Variants in DST observed in about 807,000 individuals in gnomAD.
The protein encoded by DST is dystonin, also known as bullous pemphigoid antigen.
In DST, 253 loss-of-function variants were observed where a neutral mutation model predicts 875.2. The ratio of observed to expected loss-of-function variants is 0.29; its 90% CI spans 0.26 to 0.32. DST has a LOEUF of 0.32. Ranked by LOEUF, DST falls within the 10% of genes least tolerant of loss-of-function variation. The pLI is 1.00. For missense variants in DST, 8,287 were observed against 9,111.6 expected (o/e 0.91, Z 3.68); for synonymous variants, 3,124 against 3,197.1 (o/e 0.98, Z 0.77).
intron 4 of DST, among the ~76,000 whole-genome samples, chr6:56,738,600 G>A (rs1445284565): frequency 4.6e-5 from 7 of 152,066 alleles, no homozygotes; most frequent in Admixed American, 2.6e-4. Flanking sequence ...GATTACAGGC[G>A]TGAGACACCG....
chr6:56,736,012 C>T (rs901241732), intron 4 of DST, among the ~76,000 whole-genome samples: 5 of 151,474 alleles, frequency 3.3e-5, no homozygotes, highest in Non-Finnish European at 7.4e-5. Flanking sequence ...GTATGCGCCA[C>T]CATACCCAGC....
chr6:56,460,354 T>C, intron 102 of DST, 100 bp from the exon 103 acceptor site: 1 of 1,314,412 alleles, frequency 7.6e-7, no homozygotes, highest in Non-Finnish European at 1.1e-6. Flanking sequence ...CTCTCTACTA[T>C]TCCTCTTTAG....
intron 68 of DST, 46 bp from the exon 69 acceptor site, chr6:56,526,613 ACTTTTC>A: frequency 6.4e-7 from 1 of 1,564,986 alleles, no homozygotes; most frequent in Non-Finnish European, 8.7e-7. Flanking sequence ...GCTTCAACAG[ACTTTTC>A]CTTTAACTGT....
chr6:56,671,558 A>C (rs2099101707), intron 9 of DST, among the ~76,000 whole-genome samples: 1 of 152,240 alleles, frequency 6.6e-6, no homozygotes, highest in Non-Finnish European at 1.5e-5. Flanking sequence ...AATAATGATA[A>C]AACAAGTCAC....
chr6:56,765,951 T>C (rs1027432095), intron 4 of DST, among the ~76,000 whole-genome samples: 1 of 152,326 alleles, frequency 6.6e-6, no homozygotes, highest in South Asian at 2.1e-4. Flanking sequence ...GTTCATTGTG[T>C]TTACTTGAAC....
chr6:56,945,697 A>C (rs1017217590), intron 2 of DST: 3 of 152,194 alleles, frequency 2.0e-5, no homozygotes, highest in Admixed American at 2.0e-4. Context: ...AATAAGCAAA[A>C]ATGAGGCCCA....
chr6:56,907,714 A>G (rs1797009466), intron 2 of DST, among the ~76,000 whole-genome samples: 1 of 152,238 alleles, frequency 6.6e-6, no homozygotes, highest in African/African-American at 2.4e-5. Flanking sequence ...AAAACAAGAA[A>G]AGATCTATTA....
rs776063667 is a variant in DST at position 56,504,064 on chromosome 6, T to C, written c.19499A>G (p.Lys6500Arg). 2.5e-6 allele frequency: 4 copies of C among 1,609,958 alleles called. No individual in the cohort carries two copies. The South Asian group carries it at 4.4e-5, about 18-fold the overall frequency. Residue 6500 changes from lysine (K) to arginine (R), a missense_variant, in exon 78 of 104, where the codon AAA (lysine) becomes AGA (arginine). This residue lies in a region of DST where 1,292 missense variants were observed against 1,552.7 expected (regional missense o/e 0.83). Coordinates refer to ENST00000680361, the MANE Select transcript of DST (RefSeq NM_001374736.1). The stretch of plus-strand genomic sequence containing the variant: ...TCCAATTGGAGACATTGAAGCTAAT[T>C]TACCACCTGCAATATCTACCCAGTC... The part of the protein sequence containing the change: ...VFDWVDIAGG[K>R]LASMSPIGTD...
rs201785384 is a variant in DST, at chr6:56,463,653, C to T, written c.22871G>A (p.Arg7624Gln). The change falls in exon 101 of 104, where the codon CGA becomes CAA. Residue 7624 changes from arginine to glutamine, a missense_variant. Arg to Gln is a conservative substitution (Grantham distance 43). This residue lies in a region of DST where 64 missense variants were observed against 86.2 expected (regional missense o/e 0.74). Coordinates refer to ENST00000680361, the MANE Select transcript of DST (RefSeq NM_001374736.1). Reference sequence around the variant, plus strand: ...AGTGGATCTGTTGGGTGAAGCGCCTCGTGATGATGGCCGGGATCTTCGGCC... The same window carrying T: ...AGTGGATCTGTTGGGTGAAGCGCCTTGTGATGATGGCCGGGATCTTCGGCC... ...PRGRRSRPSS[R>Q]GASPNRSTSV... 9.9e-6 allele frequency: 16 copies of T among 1,613,820 alleles called. No homozygotes were observed. The Admixed American group carries it at 1.8e-4, about 18-fold the overall frequency.
intron 10 of DST, among the ~76,000 whole-genome samples, chr6:56,660,043 T>C (rs2099030767): frequency 6.6e-6 from 1 of 152,142 alleles, no homozygotes; most frequent in Non-Finnish European, 1.5e-5. Context: ...AGTAGGAGTC[T>C]AGATCACCTG....
chr6:56,788,572 A>G (rs1276351966), intron 4 of DST, among the ~76,000 whole-genome samples: 1 of 152,232 alleles, frequency 6.6e-6, no homozygotes, highest in Non-Finnish European at 1.5e-5. Flanking sequence ...GTAAGTAATA[A>G]AAATAGCACA....
intron 2 of DST, among the ~76,000 whole-genome samples, chr6:56,908,834 G>A (rs573577417): frequency 2.0e-5 from 3 of 152,226 alleles, no homozygotes; most frequent in South Asian, 2.1e-4. Flanking sequence ...TCCGCCCACC[G>A]CCATGACAGT....
chr6:56,638,198 C>T (rs756645469), intron 22 of DST, among the ~76,000 whole-genome samples: 1 of 151,906 alleles, frequency 6.6e-6, no homozygotes, highest in Admixed American at 6.6e-5. Context: ...AATAGTATTT[C>T]CTAACAGTTT....
intron 4 of DST, among the ~76,000 whole-genome samples, chr6:56,789,933 A>T (rs1193989174): frequency 1.3e-5 from 2 of 152,212 alleles, no homozygotes; most frequent in African/African-American, 4.8e-5. Flanking sequence ...ACAAATATTC[A>T]TACACAGCAG....
chr6:56,796,922 T>C (rs944393139), intron 4 of DST, among the ~76,000 whole-genome samples: 4 of 152,186 alleles, frequency 2.6e-5, no homozygotes, highest in Non-Finnish European at 5.9e-5. Context: ...AGCATAAGCA[T>C]TTTATTTAGA....
At chr6:56,696,204 C>T (rs2099262767) in intron 9 of DST, among the ~76,000 whole-genome samples, 1 of 152,016 alleles carries the variant, frequency 6.6e-6, no homozygotes, top group Non-Finnish European at 1.5e-5. Flanking sequence ...CTCCTGTTGC[C>T]CAGACTGGAG....
At chr6:56,497,299 G>A (rs1284007557) in intron 82 of DST, 80 bp downstream of exon 82, 74 of 1,509,158 alleles carry the variant, frequency 4.9e-5, no homozygotes, top group Middle Eastern at 1.9e-4. Flanking sequence ...CTTCTCCCAC[G>A]ATTTATGTAT....
chr6:56,773,113 C>T (rs2099670803), intron 4 of DST, among the ~76,000 whole-genome samples: 1 of 152,046 alleles, frequency 6.6e-6, no homozygotes, highest in Non-Finnish European at 1.5e-5. Flanking sequence ...ACTACAACAC[C>T]TTGACTGCCA....
intron 9 of DST, among the ~76,000 whole-genome samples, chr6:56,696,900 T>A (rs1015208174): frequency 1.3e-5 from 2 of 152,190 alleles, no homozygotes; most frequent in Non-Finnish European, 2.9e-5. Context: ...TCCTTAGTGC[T>A]CCATCTCTTC....
Sources: allele counts gnomAD v4.1 joint callset (sites outside exome capture counted in the v4.1 genomes callset), GRCh38; gene constraint gnomAD v4.1.1; regional missense constraint gnomAD v4.1.1; transcripts MANE v1.5; gene names NCBI Gene and HGNC (gene_info 2026-07-23, HGNC 2026-07-21).